Variants in RALGPS1 observed in about 807,000 individuals in gnomAD.
RALGPS1 encodes Ral GEF with PH domain and SH3 binding motif 1.
RALGPS1 carries 19 observed loss-of-function variants against 78.8 expected under a neutral mutation model. That is an observed-to-expected ratio of 0.24 (90% CI 0.17 to 0.35). The LOEUF (loss-of-function observed/expected upper bound fraction) is 0.35, where lower values mean the gene tolerates loss of function less well. RALGPS1 is among the 10% of genes least tolerant of loss of function. RALGPS1 has a pLI of 1.00. For missense variants in RALGPS1, 454 were observed against 688.3 expected (o/e 0.66, Z 3.81); for synonymous variants, 228 against 256.3 (o/e 0.89, Z 1.06).
intron 12 of RALGPS1, 112 bp downstream of exon 12, chr9:127,195,329 G>A (rs2061299003): frequency 7.1e-7 from 1 of 1,405,276 alleles, no homozygotes; most frequent in East Asian, 2.5e-5. Context: ...CCTGTTCTGG[G>A]AGTTGCTGAT....
chr9:127,021,672 G>A (rs1411482215), intron 4 of RALGPS1, among the ~76,000 whole-genome samples: 5 of 146,680 alleles, frequency 3.4e-5, no homozygotes, highest in East Asian at 2.0e-4. Flanking sequence ...TGATGTATTC[G>A]GAAAAAAACA....
At chr9:127,184,623 C>T (rs1318342314) in intron 11 of RALGPS1, among the ~76,000 whole-genome samples, 3 of 152,222 alleles carry the variant, frequency 2.0e-5, no homozygotes, top group African/African-American at 7.2e-5. Context: ...CACTGAGCCC[C>T]CTTCACATTA....
intron 3 of RALGPS1, among the ~76,000 whole-genome samples, chr9:126,971,734 ACATG>A (rs1447564024): frequency 6.6e-6 from 1 of 152,214 alleles, no homozygotes; most frequent in African/African-American, 2.4e-5. Flanking sequence ...AGAGCAGTAA[ACATG>A]CAATTACTTG....
At chr9:127,167,760 C>T (rs1272890032) in intron 9 of RALGPS1, among the ~76,000 whole-genome samples, 1 of 152,200 alleles carries the variant, frequency 6.6e-6, no homozygotes, top group Non-Finnish European at 1.5e-5. Context: ...ACGCACCTCT[C>T]CAGAAAGCGA....
chr9:127,083,160 C>T (rs2051349099), intron 8 of RALGPS1, among the ~76,000 whole-genome samples: 1 of 152,144 alleles, frequency 6.6e-6, no homozygotes, highest in Admixed American at 6.5e-5. Flanking sequence ...GATAGACACC[C>T]AGCCTGTGAC....
At chr9:127,095,836 T>TTCCTCA (rs2053067737) in intron 8 of RALGPS1, among the ~76,000 whole-genome samples, 2 of 152,244 alleles carry the variant, frequency 1.3e-5, no homozygotes, top group African/African-American at 2.4e-5. Context: ...AGGTGGGCTG[T>TTCCTCA]TCCTGAGGAA....
chr9:126,920,594 G>T (rs1022682918), intron 1 of RALGPS1, among the ~76,000 whole-genome samples: 1 of 152,172 alleles, frequency 6.6e-6, no homozygotes, highest in African/African-American at 2.4e-5. Context: ...TTTTAACTCG[G>T]GGGAAGAGTT....
rs2033931539 is a variant in RALGPS1 at position 126,914,811 on chromosome 9, G to GCTGGGCACCGGCTCCGCTCCCGCGT, written c.-226_-202dup. On this transcript the variant is annotated 5_prime_UTR_variant, in exon 1 of 19. Coordinates refer to ENST00000259351, the MANE Select transcript of RALGPS1 (RefSeq NM_014636.3). ...CCTGGAGCGGACGGTTCCTACTGCG[G>GCTGGGCACCGGCTCCGCTCCCGCGT]CTGGGCACCGGCTCCGCTCCCGCGT... 6.6e-6 allele frequency: 1 copy of GCTGGGCACCGGCTCCGCTCCCGCGT among 152,258 alleles called. No individual in the cohort carries two copies. Among genetic ancestry groups the GCTGGGCACCGGCTCCGCTCCCGCGT allele is most frequent in the Non-Finnish European group, 1.5e-5 (1 of 68,084 alleles). The allele number at this position is 152,258 out of a possible 1,614,324, so 9.4% of individuals were successfully genotyped here.
intron 4 of RALGPS1, among the ~76,000 whole-genome samples, chr9:127,027,374 G>T (rs1049040008): frequency 2.0e-5 from 3 of 152,204 alleles, no homozygotes; most frequent in Non-Finnish European, 4.4e-5. Context: ...CACAGACACA[G>T]ATGATGGAAT....
chr9:127,201,360 C>T (rs2061621507), intron 14 of RALGPS1, among the ~76,000 whole-genome samples: 1 of 152,220 alleles, frequency 6.6e-6, no homozygotes, highest in African/African-American at 2.4e-5. Flanking sequence ...AGCAGGGGGC[C>T]ACCTGCTTTG....
At position 126,982,901 on chromosome 9, in the gene RALGPS1, TTTCTTCTTCTTC is replaced by T. The variant is rs1174434563; in HGVS notation, c.216+5174_216+5185del. Among the ~76,000 whole-genome samples the T allele has an allele frequency of 9.9e-4, 102 of 102,670 alleles. 1 individual carries two copies. Among genetic ancestry groups the T allele is most frequent in the Non-Finnish European group, 1.1e-3 (59 of 52,906 alleles). 67.4% of individuals were successfully genotyped at this position (102,670 alleles called of 152,430 possible). A position where few individuals can be genotyped will look rare whatever the true frequency, so the allele number is the denominator to read the frequency against. On this transcript the variant is annotated intron_variant, in intron 4 of 18. Transcript: ENST00000259351. ...CTTCCCCTTCCCCTTCTTCTCTTCT[TTTCTTCTTCTTC>T]TTCTTCTTCTTCTTCTTTTTTTTTT...
intron 4 of RALGPS1, among the ~76,000 whole-genome samples, chr9:127,008,359 C>A (rs1454103550): frequency 2.0e-5 from 3 of 152,152 alleles, no homozygotes; most frequent in Non-Finnish European, 2.9e-5. Context: ...AAGCAGCTGC[C>A]CCTGGCCCTG....
intron 8 of RALGPS1, among the ~76,000 whole-genome samples, chr9:127,097,707 T>C (rs2053287667): frequency 6.6e-6 from 1 of 152,160 alleles, no homozygotes; most frequent in Non-Finnish European, 1.5e-5. Context: ...CTGTGAAAAA[T>C]CTATAGCTGT....
At position 126,941,176 on chromosome 9, in the gene RALGPS1, T is replaced by C. The variant is rs1588544606; in HGVS notation, c.-65-21049T>C. Among the ~76,000 whole-genome samples, 3 of 132,034 alleles carry C rather than the reference T, an allele frequency of 2.3e-5. No homozygotes were observed. In the South Asian group the frequency reaches 8.6e-4, roughly 38 times the overall value. The allele number at this position is 132,034 out of a possible 152,430, so 86.6% of individuals were successfully genotyped here. On this transcript the variant is annotated intron_variant, in intron 1 of 18. Transcript: ENST00000259351. Reference sequence around the variant, plus strand: ...GACTTCGTCTAGTTGTGGGGGGGGGTTGTTGGGGAAGGAGGGATGATTAAT... The same window carrying C: ...GACTTCGTCTAGTTGTGGGGGGGGGCTGTTGGGGAAGGAGGGATGATTAAT...
In RALGPS1 at chr9:126,962,222, C is replaced by T; in HGVS notation, c.-65-3C>T. The T allele has an allele frequency of 6.5e-7, 1 of 1,544,968 alleles. No individual in the cohort carries two copies. Among genetic ancestry groups the T allele is most frequent in the Non-Finnish European group, 8.9e-7 (1 of 1,121,448 alleles). On this transcript the variant is annotated splice_region_variant and splice_polypyrimidine_tract_variant and intron_variant, in intron 1 of 18. Coordinates refer to ENST00000259351, the MANE Select transcript of RALGPS1 (RefSeq NM_014636.3). The stretch of plus-strand genomic sequence containing the variant: ...GATTTTTATGAGCCCCTTTGCCTTG[C>T]AGGACTTCTCCAGACAGGTTATGTT...
chr9:127,013,734 G>A (rs764327116), intron 4 of RALGPS1, among the ~76,000 whole-genome samples: 2 of 152,082 alleles, frequency 1.3e-5, no homozygotes, highest in African/African-American at 4.8e-5. Flanking sequence ...CATCTCTAAG[G>A]GGGGCGTGCA....
rs529564280 is a variant in RALGPS1, at chr9:127,035,272, G to T, written c.300+758G>T. 3.3e-5 allele frequency among the ~76,000 whole-genome samples: 5 copies of T among 152,228 alleles called. No homozygotes were observed. In the South Asian group the frequency reaches 1.0e-3, roughly 32 times the overall value. ...ATTGAATTTTCTTGAATTCCTGATGGCCTGATCCCTGGCCTTGCACTACTT... is the reference window on the plus strand; with the variant it reads ...ATTGAATTTTCTTGAATTCCTGATGTCCTGATCCCTGGCCTTGCACTACTT... On this transcript the variant is annotated intron_variant, in intron 5 of 18. Transcript: ENST00000259351.
intron 8 of RALGPS1, among the ~76,000 whole-genome samples, chr9:127,147,392 TTGTC>T (rs1374523168): frequency 6.6e-6 from 1 of 152,216 alleles, no homozygotes; most frequent in African/African-American, 2.4e-5. Context: ...TAAGTCCTAC[TTGTC>T]TATTTTTGTT....
chr9:126,987,263 A>G (rs990108304), intron 4 of RALGPS1, among the ~76,000 whole-genome samples: 1 of 151,958 alleles, frequency 6.6e-6, no homozygotes, highest in Admixed American at 6.6e-5. Flanking sequence ...CATATGGGGA[A>G]CTCACTCAAT....
Sources: allele counts gnomAD v4.1 joint callset (sites outside exome capture counted in the v4.1 genomes callset), GRCh38; gene constraint gnomAD v4.1.1; transcripts MANE v1.5; gene names NCBI Gene and HGNC (gene_info 2026-07-23, HGNC 2026-07-21).